SCGB2B2: variants seen among roughly 807,000 people sequenced by gnomAD.
SCGB2B2 encodes the protein secretoglobin-like protein.
A neutral mutation model predicts 7.6 loss-of-function variants in SCGB2B2; 11 were observed. The ratio of observed to expected loss-of-function variants is 1.45; its 90% CI spans 0.91 to 2.40. SCGB2B2 has a LOEUF of 2.40. Ranked by LOEUF, SCGB2B2 falls within the 30% of genes most tolerant of loss-of-function variation. SCGB2B2 has a pLI of 0.00. For missense variants in SCGB2B2, 104 were observed against 115.4 expected (o/e 0.90, Z 0.45); for synonymous variants, 50 against 48.6 (o/e 1.03, Z -0.12).
intron 1 of SCGB2B2, among the ~76,000 whole-genome samples, chr19:34,648,579 CA>C: frequency 6.6e-6 from 1 of 152,042 alleles, no homozygotes; most frequent in African/African-American, 2.4e-5. Flanking sequence ...TTAATCAAAA[CA>C]TATTTATTGC....
intron 1 of SCGB2B2, chr19:34,608,684 T>TATATAAATATATATATATATATATATAC (rs879668084): frequency 7.9e-6 from 1 of 126,622 alleles, no homozygotes; most frequent in South Asian, 3.0e-4. Context: ...TATATATATA[T>TATATAAATATATATATATATATATATAC]ACCGTATTTT....
At chr19:34,620,951 T>A (rs1361858773) in intron 1 of SCGB2B2, among the ~76,000 whole-genome samples, 1 of 152,046 alleles carries the variant, frequency 6.6e-6, no homozygotes, top group East Asian at 1.9e-4. Flanking sequence ...AGTAATTATG[T>A]TTATGAGAAT....
intron 1 of SCGB2B2, among the ~76,000 whole-genome samples, chr19:34,667,694 T>C (rs538887239): frequency 0.013 from 1,944 of 152,144 alleles, 29 homozygotes; most frequent in South Asian, 0.071. Flanking sequence ...TTTCTTTGCT[T>C]TGTTTGTGCG....
chr19:34,621,000 T>A (rs1215054400), intron 1 of SCGB2B2, among the ~76,000 whole-genome samples: 3 of 151,530 alleles, frequency 2.0e-5, no homozygotes, highest in Non-Finnish European at 4.4e-5. Context: ...TCAAGCTATA[T>A]GCAAAAAAAA....
intron 1 of SCGB2B2, among the ~76,000 whole-genome samples, chr19:34,665,272 G>T (rs1436108870): frequency 6.6e-6 from 1 of 152,250 alleles, no homozygotes; most frequent in Non-Finnish European, 1.5e-5. Context: ...GTGATGACAA[G>T]GGAGGCCCTT....
At chr19:34,608,684 T>TATATATATATATATATATATCTATAC (rs879668084) in intron 1 of SCGB2B2, 1 of 126,622 alleles carries the variant, frequency 7.9e-6, no homozygotes, top group African/African-American at 2.9e-5. Flanking sequence ...TATATATATA[T>TATATATATATATATATATATCTATAC]ACCGTATTTT....
At chr19:34,597,675 GGAGGGACGC>G (rs1000770036) in intron 1 of SCGB2B2, among the ~76,000 whole-genome samples, 1 of 152,164 alleles carries the variant, frequency 6.6e-6, no homozygotes, top group Non-Finnish European at 1.5e-5. Flanking sequence ...CCTGGGCACA[GGAGGGACGC>G]GAGGCCTTCC....
At chr19:34,603,597 G>C (rs2065690604) in intron 1 of SCGB2B2, among the ~76,000 whole-genome samples, 1 of 152,122 alleles carries the variant, frequency 6.6e-6, no homozygotes, top group Non-Finnish European at 1.5e-5. Flanking sequence ...AGGAAAATGA[G>C]AGCAATGTCA....
intron 1 of SCGB2B2, among the ~76,000 whole-genome samples, chr19:34,675,386 C>A (rs968023858): frequency 5.9e-5 from 9 of 152,182 alleles, no homozygotes; most frequent in African/African-American, 1.9e-4. Context: ...CAACCACACC[C>A]ACAGGATACA....
intron 1 of SCGB2B2, chr19:34,635,094 A>G (rs373216039): frequency 1.0e-5 from 3 of 289,322 alleles, no homozygotes; most frequent in African/African-American, 4.5e-5. Context: ...CACTACACTT[A>G]TAAGGCTTTG....
At position 34,655,562 on chromosome 19, in the gene SCGB2B2, C is replaced by A. The variant is rs549114481; in HGVS notation, c.-2032+20068G>T. ...ACGCACTGATTGATGTATTATGTCTCCCTAAAGTGTGTAAGAGCAAGCTGT... is the reference window on the plus strand; with the variant it reads ...ACGCACTGATTGATGTATTATGTCTACCTAAAGTGTGTAAGAGCAAGCTGT... On this transcript the variant is annotated intron_variant, in intron 1 of 3. Transcript: ENST00000601241. 9.2e-5 allele frequency among the ~76,000 whole-genome samples: 14 copies of A among 151,396 alleles called. 1 individual carries two copies. The highest frequency in any genetic ancestry group is 3.0e-4 in the African/African-American group (12 of 40,672).
chr19:34,663,795 TA>T (rs912603558), intron 1 of SCGB2B2, among the ~76,000 whole-genome samples: 2 of 148,534 alleles, frequency 1.3e-5, no homozygotes, highest in Non-Finnish European at 3.0e-5. Flanking sequence ...GATAAATGAA[TA>T]AAGAAAAAGA....
intron 1 of SCGB2B2, among the ~76,000 whole-genome samples, chr19:34,652,330 A>G (rs895182692): frequency 3.3e-5 from 5 of 151,266 alleles, no homozygotes; most frequent in African/African-American, 1.2e-4. Context: ...CAACAGAGAG[A>G]AGAGACAACT....
intron 1 of SCGB2B2, among the ~76,000 whole-genome samples, chr19:34,613,751 GATT>G (rs1403925586): frequency 6.6e-6 from 1 of 152,090 alleles, no homozygotes; most frequent in Non-Finnish European, 1.5e-5. Flanking sequence ...TCATGATAGT[GATT>G]ATTATCTTTT....
chr19:34,593,486 C>T lies in SCGB2B2; in HGVS notation c.*69G>A. On this transcript the variant is annotated 3_prime_UTR_variant, in exon 4 of 4. Coordinates refer to ENST00000601241, the MANE Select transcript of SCGB2B2 (RefSeq NM_001025591.4). ...GGGTCTCTGTAGTGATGAACAGAGC[C>T]AGGCCAGGAACGCGGGGAGCCCCAA... The T allele has an allele frequency of 8.2e-7, 1 of 1,226,244 alleles. No individual in the cohort carries two copies. The highest frequency in any genetic ancestry group is 1.2e-6 in the Non-Finnish European group (1 of 854,302). 76.0% of individuals were successfully genotyped at this position (1,226,244 alleles called of 1,614,324 possible).
At chr19:34,607,019 T>G (rs1185063353) in intron 1 of SCGB2B2, among the ~76,000 whole-genome samples, 1 of 152,224 alleles carries the variant, frequency 6.6e-6, no homozygotes, top group Non-Finnish European at 1.5e-5. Context: ...CTGTACCCTT[T>G]GACCAACAAC....
At chr19:34,600,182 C>T (rs2065583380) in intron 1 of SCGB2B2, among the ~76,000 whole-genome samples, 2 of 152,084 alleles carry the variant, frequency 1.3e-5, no homozygotes, top group African/African-American at 2.4e-5. Context: ...ATACAGTAAA[C>T]GTTAATTTTG....
downstream of SCGB2B2, among the ~76,000 whole-genome samples, chr19:34,586,316 A>C (rs1280730565): frequency 6.6e-6 from 1 of 152,236 alleles, no homozygotes; most frequent in African/African-American, 2.4e-5. Context: ...GAAGTACATA[A>C]TTTGTGACTT....
intron 1 of SCGB2B2, among the ~76,000 whole-genome samples, chr19:34,635,964 C>T (rs557059617): frequency 1.3e-5 from 2 of 152,300 alleles, no homozygotes; most frequent in Non-Finnish European, 2.9e-5. Context: ...AGTTTGTGCC[C>T]GGGGTGTATT....
Sources: allele counts gnomAD v4.1 joint callset (sites outside exome capture counted in the v4.1 genomes callset), GRCh38; gene constraint gnomAD v4.1.1; transcripts MANE v1.5; gene names NCBI Gene and HGNC (gene_info 2026-07-23, HGNC 2026-07-21).